Variants in FGD5 observed in about 807,000 individuals in gnomAD.
FGD5 encodes the protein FYVE, RhoGEF and PH domain-containing protein 5.
In FGD5, 28 loss-of-function variants were observed where a neutral mutation model predicts 133.4. The observed-to-expected ratio is 0.21, with a 90% CI of 0.16 to 0.29. FGD5 has a LOEUF of 0.29. Among genes scored for constraint, FGD5 ranks in the 10% least tolerant of loss-of-function variants. The pLI is 1.00. For missense variants in FGD5, 1,858 were observed against 1,895.2 expected, an observed-to-expected ratio of 0.98 and a Z score of 0.36; for synonymous variants, 810 against 776.5, an observed-to-expected ratio of 1.04 and a Z score of -0.72.
intron 1 of FGD5, among the ~76,000 whole-genome samples, chr3:14,840,554 G>A (rs2036902207): frequency 6.7e-6 from 1 of 150,358 alleles, no homozygotes; most frequent in Non-Finnish European, 1.5e-5. Flanking sequence ...TTTACAGATT[G>A]TTCCCTGTCA....
intron 1 of FGD5, chr3:14,811,000 G>T: frequency 9.1e-6 from 7 of 766,686 alleles, no homozygotes; most frequent in Non-Finnish European, 9.5e-6. Flanking sequence ...GCTCGGCCTC[G>T]GCCAAAGCAT....
chr3:14,874,965 C>T (rs967848501), intron 2 of FGD5, among the ~76,000 whole-genome samples: 3 of 152,136 alleles, frequency 2.0e-5, no homozygotes, highest in Admixed American at 6.5e-5. Flanking sequence ...CACTCTCCTC[C>T]GCCTCCTCTT....
At chr3:14,895,414 TC>T (rs1233738025) in intron 4 of FGD5, among the ~76,000 whole-genome samples, 1 of 152,230 alleles carries the variant, frequency 6.6e-6, no homozygotes, top group Non-Finnish European at 1.5e-5. Context: ...GTGTCATTCT[TC>T]TGCATTTAGT....
intron 1 of FGD5, among the ~76,000 whole-genome samples, chr3:14,842,140 T>G (rs1253351622): frequency 2.0e-5 from 3 of 152,236 alleles, no homozygotes; most frequent in Non-Finnish European, 4.4e-5. Flanking sequence ...CAGGCCCTTC[T>G]ACCATTTCCC....
chr3:14,897,494 CT>C lies in FGD5; in HGVS notation c.2749-11del. 1.3e-6 allele frequency: 2 copies of C among 1,598,798 alleles called. No homozygotes were observed. The highest frequency in any genetic ancestry group is 1.7e-6 in the Non-Finnish European group (2 of 1,172,772). ...TCCTATCAACCTGTGGGTAACAGAC[CT>C]TTTGGTGTTTCAGGATTTCCATGGA... On this transcript the variant is annotated splice_polypyrimidine_tract_variant and intron_variant, in intron 4 of 19. Coordinates refer to ENST00000285046, the MANE Select transcript of FGD5 (RefSeq NM_152536.4).
intron 1 of FGD5, among the ~76,000 whole-genome samples, chr3:14,848,507 A>C (rs60776304): frequency 0.02 from 3,028 of 152,248 alleles, 106 homozygotes; most frequent in African/African-American, 0.067. Context: ...CAAAAAGGCC[A>C]GGCCAGCCCC....
chr3:14,893,415 G>C (rs982893268), intron 4 of FGD5, among the ~76,000 whole-genome samples: 20 of 151,994 alleles, frequency 1.3e-4, no homozygotes, highest in African/African-American at 4.6e-4. Context: ...GCAGTGACAC[G>C]ACCATAGCTC....
At chr3:14,880,440 T>A in intron 2 of FGD5, 132 bp from the exon 3 acceptor site, 1 of 684,976 alleles carries the variant, frequency 1.5e-6, no homozygotes, top group Non-Finnish European at 2.5e-6. Flanking sequence ...AATAAGTTGT[T>A]GAAGAACATA....
Position 14,932,530 on chromosome 3 carries a change from T to C in FGD5, c.4198-47T>C, listed in dbSNP as rs762341399. 5.6e-5 allele frequency: 89 copies of C among 1,588,848 alleles called. No individual in the cohort carries two copies. The South Asian group carries it at 9.1e-4, about 16-fold the overall frequency. The stretch of plus-strand genomic sequence containing the variant: ...GATTGGAGATAACAGTAAATGACTA[T>C]GCAGAGTGTGGTGTTTAATGTCAAT... On this transcript the variant is annotated intron_variant, in intron 18 of 19. Coordinates refer to ENST00000285046, the MANE Select transcript of FGD5 (RefSeq NM_152536.4).
chr3:14,865,588 G>A lies in FGD5; in HGVS notation c.2658+1328G>A, dbSNP rs186479390. Among the ~76,000 whole-genome samples, 29 of 151,978 alleles carry A rather than the reference G, an allele frequency of 1.9e-4. 1 individual carries two copies. The highest frequency in any genetic ancestry group is 5.6e-4 in the African/African-American group (23 of 41,408). On this transcript the variant is annotated intron_variant, in intron 2 of 19. Transcript: ENST00000285046. ...CTCCCCGCTGCCTCTTCCTCTCTAG[G>A]TACTGAGCCACGTATCTGGCACTGT... is the stretch of plus-strand genomic sequence containing the variant.
intron 1 of FGD5, among the ~76,000 whole-genome samples, chr3:14,833,226 C>G (rs983794059): frequency 9.2e-5 from 14 of 152,064 alleles, no homozygotes; most frequent in Non-Finnish European, 1.5e-4. Context: ...AGATGAGTGT[C>G]TCCGAGTTGA....
chr3:14,826,659 C>T (rs141394793), intron 1 of FGD5, among the ~76,000 whole-genome samples: 1 of 152,220 alleles, frequency 6.6e-6, no homozygotes, highest in East Asian at 1.9e-4. Flanking sequence ...GTGACATGAC[C>T]GAGGTCACAT....
chr3:14,912,430 A>AG (rs1185026537), intron 11 of FGD5, among the ~76,000 whole-genome samples: 1 of 128,056 alleles, frequency 7.8e-6, no homozygotes, highest in Non-Finnish European at 1.8e-5. Flanking sequence ...AGTGGACCCC[A>AG]GGGGGGATTT....
At chr3:14,835,834 A>G (rs887857882) in intron 1 of FGD5, among the ~76,000 whole-genome samples, 2 of 152,184 alleles carry the variant, frequency 1.3e-5, no homozygotes, top group African/African-American at 4.8e-5. Context: ...AACCCATGCC[A>G]GTTGCTTGGT....
chr3:14,898,159 T>C (rs1342488683), intron 6 of FGD5, 64 bp downstream of exon 6: 1 of 1,593,544 alleles, frequency 6.3e-7, no homozygotes. Flanking sequence ...GGCGAAGGGC[T>C]TAATGCAAAT....
At chr3:14,825,156 A>G (rs1280365777) in intron 1 of FGD5, among the ~76,000 whole-genome samples, 1 of 152,230 alleles carries the variant, frequency 6.6e-6, no homozygotes, top group Admixed American at 6.5e-5. Context: ...ATGATTGTAA[A>G]GTTTCTTCTG....
At position 14,827,439 on chromosome 3, in the gene FGD5, G is replaced by T. The variant is rs547711769; in HGVS notation, c.2525+5843G>T. ...GAGTAGCTGAGGCGCCCGCCACCAT[G>T]GGTGGCTAATTTTTTGTATTTTTTA... On this transcript the variant is annotated intron_variant, in intron 1 of 19. Coordinates refer to ENST00000285046, the MANE Select transcript of FGD5 (RefSeq NM_152536.4). Among the ~76,000 whole-genome samples, 12 of 151,896 alleles carry T rather than the reference G, an allele frequency of 7.9e-5. No homozygotes were observed. In the East Asian group the frequency reaches 1.9e-3, roughly 25 times the overall value.
intron 1 of FGD5, among the ~76,000 whole-genome samples, chr3:14,859,481 C>T (rs2125101162): frequency 6.6e-6 from 1 of 152,050 alleles, no homozygotes; most frequent in Middle Eastern, 3.4e-3. Flanking sequence ...TCACTTGAAC[C>T]TAGAAAGCAG....
intron 1 of FGD5, among the ~76,000 whole-genome samples, chr3:14,854,275 T>G (rs994818321): frequency 3.9e-5 from 6 of 152,118 alleles, no homozygotes; most frequent in Non-Finnish European, 7.4e-5. Flanking sequence ...CAGGTAAACT[T>G]ATTGAGTGGT....
Sources: allele counts gnomAD v4.1 joint callset (sites outside exome capture counted in the v4.1 genomes callset), GRCh38; gene constraint gnomAD v4.1.1; transcripts MANE v1.5; gene names NCBI Gene and HGNC (gene_info 2026-07-23, HGNC 2026-07-21).